The following ABCC4 variants were observed in gnomAD, a reference collection of about 807,000 sequenced individuals.
The protein encoded by ABCC4 is ATP-binding cassette sub-family C member 4.
In ABCC4, 102 loss-of-function variants were observed where a neutral mutation model predicts 168.5. The ratio of observed to expected loss-of-function variants is 0.61; its 90% confidence interval spans 0.52 to 0.71. The LOEUF (loss-of-function observed/expected upper bound fraction) is 0.71, where lower values mean the gene tolerates loss of function less well. Ranked by LOEUF, ABCC4 falls within the 30% of genes least tolerant of loss-of-function variation. ABCC4 has a pLI of 0.00. For missense variants in ABCC4, 1,402 were observed against 1,605.8 expected (o/e 0.87, Z 2.17); for synonymous variants, 617 against 590.7 (o/e 1.04, Z -0.65).
intron 19 of ABCC4, among the ~76,000 whole-genome samples, chr13:95,130,189 G>C (rs979435666): frequency 6.6e-6 from 1 of 151,928 alleles, no homozygotes; most frequent in Non-Finnish European, 1.5e-5. Flanking sequence ...GACTTTTATT[G>C]GGTCTTCTTG....
chr13:95,246,930 T>C lies in ABCC4; in HGVS notation c.306+45A>G, dbSNP rs201052887. 6.3e-6 allele frequency: 10 copies of C among 1,597,956 alleles called. No individual in the cohort carries two copies. In the Admixed American group the frequency reaches 1.0e-4, roughly 16 times the overall value. On this transcript the variant is annotated intron_variant, in intron 3 of 30. Transcript: ENST00000645237. ...ACCAGTCAATGGCGAGCACATTTAC[T>C]CTATGTGTCCTGAAAAACAATTCAT...
At chr13:95,085,826 C>T (rs1427533457) in intron 20 of ABCC4, among the ~76,000 whole-genome samples, 1 of 152,168 alleles carries the variant, frequency 6.6e-6, no homozygotes, top group Non-Finnish European at 1.5e-5. Context: ...ATGTATTTCG[C>T]ATCCATTATC....
intron 11 of ABCC4, among the ~76,000 whole-genome samples, chr13:95,185,324 G>T (rs570128615): frequency 6.6e-6 from 1 of 152,276 alleles, no homozygotes; most frequent in Non-Finnish European, 1.5e-5. Flanking sequence ...TTCCTATATA[G>T]TGTATACTAT....
At chr13:95,248,018 T>C (rs1031455542) in intron 1 of ABCC4, among the ~76,000 whole-genome samples, 2 of 151,370 alleles carry the variant, frequency 1.3e-5, no homozygotes, top group African/African-American at 4.9e-5. Context: ...GCCCAGATCT[T>C]GGTTTCCAAA....
intron 1 of ABCC4, among the ~76,000 whole-genome samples, chr13:95,293,339 CAG>C (rs1339322506): frequency 6.6e-6 from 1 of 151,702 alleles, no homozygotes; most frequent in East Asian, 2.0e-4. Flanking sequence ...GCCTGTGCGA[CAG>C]AGACTCCATC....
intron 29 of ABCC4, among the ~76,000 whole-genome samples, chr13:95,040,357 G>C (rs764044670): frequency 6.6e-6 from 1 of 152,078 alleles, no homozygotes; most frequent in Non-Finnish European, 1.5e-5. Context: ...TCAGCCTCCC[G>C]AGTAGCTGGG....
At chr13:95,104,951 G>A (rs2034950906) in intron 20 of ABCC4, among the ~76,000 whole-genome samples, 1 of 152,116 alleles carries the variant, frequency 6.6e-6, no homozygotes, top group African/African-American at 2.4e-5. Flanking sequence ...TGGCGATGGA[G>A]GTAGTTTCAG....
rs370988386 is a variant in ABCC4 at position 95,197,792 on chromosome 13, T to C, written c.1162-2855A>G. Among the ~76,000 whole-genome samples the C allele has an allele frequency of 1.4e-3, 206 of 152,310 alleles. 3 individuals carry two copies. In the South Asian group the frequency reaches 0.037, roughly 27 times the overall value. ...ATTGAAGACTTTCAGTGCTTTGCTG[T>C]TAAGATAAGATCTCTTAAAATCCTA... On this transcript the variant is annotated intron_variant, in intron 8 of 30. Coordinates refer to ENST00000645237, the MANE Select transcript of ABCC4 (RefSeq NM_005845.5).
At chr13:95,053,906 G>T (rs974047619) in intron 26 of ABCC4, 1 of 151,226 alleles carries the variant, frequency 6.6e-6, no homozygotes, top group Non-Finnish European at 1.5e-5. Flanking sequence ...GAATCCAGGA[G>T]GTGGAGGTTG....
At chr13:95,113,785 TG>T (rs1185209210) in intron 20 of ABCC4, among the ~76,000 whole-genome samples, 1 of 152,154 alleles carries the variant, frequency 6.6e-6, no homozygotes, top group Non-Finnish European at 1.5e-5. Flanking sequence ...CAAAGTAAGA[TG>T]AACCAGTTAC....
intron 20 of ABCC4, among the ~76,000 whole-genome samples, chr13:95,096,653 T>G (rs1214518958): frequency 2.0e-5 from 3 of 151,862 alleles, no homozygotes; most frequent in Admixed American, 1.3e-4. Context: ...GTGATATATG[T>G]ACAGTGCCAA....
intron 25 of ABCC4, among the ~76,000 whole-genome samples, chr13:95,065,139 C>G (rs938819070): frequency 3.3e-5 from 5 of 152,164 alleles, no homozygotes; most frequent in Non-Finnish European, 7.4e-5. Flanking sequence ...AATTCTTCCC[C>G]AAGTTCACAG....
At position 95,097,762 on chromosome 13, in the gene ABCC4, T is replaced by TA. The variant is rs34194621; in HGVS notation, c.2536-14473dup. Among the ~76,000 whole-genome samples, 340 of 148,444 alleles carry TA rather than the reference T, an allele frequency of 2.3e-3. 1 individual carries two copies. The highest frequency in any genetic ancestry group is 6.3e-3 in the African/African-American group (257 of 40,506). Reference sequence around the variant, plus strand: ...AGAAATCAGTAGCAGTAAGGTTTTTTAAAAAAAAAAAATCCCTAAATCTTT... The same window carrying TA: ...AGAAATCAGTAGCAGTAAGGTTTTTTAAAAAAAAAAAAATCCCTAAATCTTT... On this transcript the variant is annotated intron_variant, in intron 20 of 30. Coordinates refer to ENST00000645237, the MANE Select transcript of ABCC4 (RefSeq NM_005845.5).
chr13:95,061,780 G>A (rs931180709), intron 26 of ABCC4, among the ~76,000 whole-genome samples: 9 of 152,168 alleles, frequency 5.9e-5, no homozygotes, highest in Admixed American at 2.0e-4. Flanking sequence ...TGTGAGGTCC[G>A]ATGGAAGCCA....
intron 19 of ABCC4, among the ~76,000 whole-genome samples, chr13:95,138,271 G>A (rs893036585): frequency 1.2e-4 from 18 of 152,176 alleles, no homozygotes; most frequent in African/African-American, 4.1e-4. Flanking sequence ...TTGCCCTGGA[G>A]TTCCAAACTA....
intron 1 of ABCC4, among the ~76,000 whole-genome samples, chr13:95,253,154 C>T (rs2040309433): frequency 6.6e-6 from 1 of 152,150 alleles, no homozygotes; most frequent in African/African-American, 2.4e-5. Context: ...TAGTGCACGG[C>T]CAACCATGAC....
intron 25 of ABCC4, among the ~76,000 whole-genome samples, chr13:95,067,517 G>A (rs931561759): frequency 2.0e-5 from 3 of 152,074 alleles, no homozygotes; most frequent in African/African-American, 4.8e-5. Context: ...GCAGGGGCAG[G>A]AGTGGGGGTG....
chr13:95,252,739 C>T (rs1179230010), intron 1 of ABCC4, among the ~76,000 whole-genome samples: 1 of 152,222 alleles, frequency 6.6e-6, no homozygotes, highest in Non-Finnish European at 1.5e-5. Flanking sequence ...GGGTTCAGCA[C>T]TATCCACGGC....
rs2138911055 is a variant in ABCC4, at chr13:95,279,629, G to A, written c.74+21612C>T. Among the ~76,000 whole-genome samples, 2 of 152,270 alleles carry A rather than the reference G, an allele frequency of 1.3e-5. 1 individual carries two copies. On this transcript the variant is annotated intron_variant, in intron 1 of 30. Transcript: ENST00000645237. Reference sequence around the variant, plus strand: ...AGGAAGATGGAGTGGAAAGGGGCGAGGCAAGGCCCTCCTGAAATACCTCAA... The same window carrying A: ...AGGAAGATGGAGTGGAAAGGGGCGAAGCAAGGCCCTCCTGAAATACCTCAA...
Sources: allele counts gnomAD v4.1 joint callset (sites outside exome capture counted in the v4.1 genomes callset), GRCh38; gene constraint gnomAD v4.1.1; transcripts MANE v1.5; gene names NCBI Gene and HGNC (gene_info 2026-07-23, HGNC 2026-07-21).